Variants in TMEM120B observed in about 807,000 individuals in gnomAD.
TMEM120B encodes the protein transmembrane protein 120B.
In TMEM120B, 31 loss-of-function variants were observed where a neutral mutation model predicts 55.5. That is an observed-to-expected ratio of 0.56 (90% CI 0.42 to 0.75). The LOEUF (loss-of-function observed/expected upper bound fraction) is 0.75, where lower values mean the gene tolerates loss of function less well. Among genes scored for constraint, TMEM120B ranks in the 30% least tolerant of loss-of-function variants. The probability of loss-of-function intolerance (pLI) is 0.00; values close to 1 mark genes in which losing one functional copy is unlikely to be tolerated. For missense variants in TMEM120B, 399 were observed against 425.5 expected, an observed-to-expected ratio of 0.94 and a Z score of 0.55; for synonymous variants, 203 against 176.3, an observed-to-expected ratio of 1.15 and a Z score of -1.20.
intron 1 of TMEM120B, among the ~76,000 whole-genome samples, chr12:121,713,552 G>A (rs540983752): frequency 6.6e-6 from 1 of 152,146 alleles, no homozygotes; most frequent in African/African-American, 2.4e-5. Flanking sequence ...CTGTCAGTTC[G>A]GACAGCTGAG....
intron 1 of TMEM120B, among the ~76,000 whole-genome samples, chr12:121,720,639 G>T (rs1333546649): frequency 6.6e-6 from 1 of 152,064 alleles, no homozygotes; most frequent in Non-Finnish European, 1.5e-5. Flanking sequence ...TGAGCCCAGG[G>T]AGGTGAAGGC....
chr12:121,748,329 C>G lies in TMEM120B; in HGVS notation c.192C>G (p.Cys64Trp). 1.2e-6 allele frequency: 2 copies of G among 1,609,570 alleles called. No homozygotes were observed. Among genetic ancestry groups the G allele is most frequent in the South Asian group, 2.2e-5 (2 of 90,962 alleles). The change falls in exon 3 of 12, where the codon TGC (cysteine) becomes TGG (tryptophan). Residue 64 changes from cysteine (C) to tryptophan (W), a missense_variant. This residue lies in a region of TMEM120B where 133 missense variants were observed against 104.1 expected (regional missense o/e 1.28). Transcript: ENST00000449592. The stretch of plus-strand genomic sequence containing the variant: ...GTGCCTGCATCTCTGTCCGCAGGTG[C>G]AAACGCCATGCCAGTCGGGAGGAGG... ...LKDLKLTLQR[C>W]KRHASREEAE...
chr12:121,727,010 C>T (rs1415494044), intron 1 of TMEM120B, among the ~76,000 whole-genome samples: 1 of 148,988 alleles, frequency 6.7e-6, no homozygotes, highest in Non-Finnish European at 1.5e-5. Context: ...TCAGCCTGGG[C>T]AACATGGCAA....
chr12:121,713,002 C>T (rs753067716), intron 1 of TMEM120B, 38 bp downstream of exon 1: 1 of 1,480,034 alleles, frequency 6.8e-7, no homozygotes, highest in African/African-American at 1.5e-5. Flanking sequence ...CTCTGCTGCC[C>T]GCGGTGCAGC....
At chr12:121,714,422 A>AT (rs1486695828) in intron 1 of TMEM120B, among the ~76,000 whole-genome samples, 1 of 151,102 alleles carries the variant, frequency 6.6e-6, no homozygotes, top group Non-Finnish European at 1.5e-5. Context: ...TGCCCGGCTA[A>AT]TTTTTTTGTG....
At position 121,747,117 on chromosome 12, in the gene TMEM120B, T is replaced by C. The variant is rs1873109984; in HGVS notation, c.189-1209T>C. 3.3e-5 allele frequency among the ~76,000 whole-genome samples: 5 copies of C among 152,332 alleles called. No homozygotes were observed. The South Asian group carries it at 8.3e-4, about 25-fold the overall frequency. On this transcript the variant is annotated intron_variant, in intron 2 of 11. Coordinates refer to ENST00000449592, the MANE Select transcript of TMEM120B (RefSeq NM_001080825.2). ...TGTCTGTGAGGTAGGCTTGAGGTTA[T>C]CCCGGCTTTTCAGGTATGGAAAATA...
chr12:121,754,387 C>T (rs1873420050), intron 5 of TMEM120B, among the ~76,000 whole-genome samples: 1 of 152,226 alleles, frequency 6.6e-6, no homozygotes, highest in Admixed American at 6.5e-5. Flanking sequence ...TTTCTCCTAC[C>T]TGCTTCTGTG....
At chr12:121,741,937 T>G (rs1260299460) in intron 1 of TMEM120B, among the ~76,000 whole-genome samples, 1 of 151,940 alleles carries the variant, frequency 6.6e-6, no homozygotes, top group Non-Finnish European at 1.5e-5. Context: ...ACAGCATTCT[T>G]GGATGTCTCC....
chr12:121,718,405 C>T (rs1008553454), intron 1 of TMEM120B, among the ~76,000 whole-genome samples: 95 of 152,136 alleles, frequency 6.2e-4, no homozygotes, highest in Non-Finnish European at 8.8e-4. Flanking sequence ...ACTTGGGAGG[C>T]TGAGGCTGAA....
At chr12:121,741,958 C>T (rs894287403) in intron 1 of TMEM120B, among the ~76,000 whole-genome samples, 1 of 151,722 alleles carries the variant, frequency 6.6e-6, no homozygotes, top group Admixed American at 6.6e-5. Context: ...TAATTGTCAT[C>T]TAGTTAATTC....
At chr12:121,759,050 GGTTTAA>G in intron 5 of TMEM120B, 2 of 983,332 alleles carry the variant, frequency 2.0e-6, no homozygotes, top group Non-Finnish European at 2.4e-6. Flanking sequence ...GTTTACAGAT[GGTTTAA>G]GGGGACACAG....
chr12:121,761,232 G>T (rs1266638368), intron 5 of TMEM120B, among the ~76,000 whole-genome samples: 2 of 152,178 alleles, frequency 1.3e-5, no homozygotes, highest in Non-Finnish European at 2.9e-5. Context: ...ATCTGTCTCA[G>T]CCTCCCCAAG....
chr12:121,741,425 G>C (rs1872930619), intron 1 of TMEM120B, among the ~76,000 whole-genome samples: 1 of 152,126 alleles, frequency 6.6e-6, no homozygotes, highest in African/African-American at 2.4e-5. Context: ...TGCCTCCCGG[G>C]TTCAAGCGAT....
At chr12:121,771,636 T>G in intron 8 of TMEM120B, 87 bp downstream of exon 8, 1 of 1,342,166 alleles carries the variant, frequency 7.5e-7, no homozygotes, top group Non-Finnish European at 1.1e-6. Context: ...CATCAATCAG[T>G]GCTTGCCTGT....
At chr12:121,729,225 G>T (rs912013988) in intron 1 of TMEM120B, among the ~76,000 whole-genome samples, 5 of 152,218 alleles carry the variant, frequency 3.3e-5, no homozygotes, top group Non-Finnish European at 5.9e-5. Context: ...CAGGGCCAAG[G>T]TTGCTTGGAG....
chr12:121,754,606 G>A (rs920403330), intron 5 of TMEM120B, among the ~76,000 whole-genome samples: 30 of 152,188 alleles, frequency 2.0e-4, no homozygotes, highest in African/African-American at 5.8e-4. Context: ...GCTTAAAGCT[G>A]TGTTTCACTC....
chr12:121,730,540 A>G (rs577774295), intron 1 of TMEM120B, among the ~76,000 whole-genome samples: 1 of 150,500 alleles, frequency 6.6e-6, no homozygotes, highest in South Asian at 2.1e-4. Flanking sequence ...AGCCCCAACT[A>G]CTTGGAAGGC....
chr12:121,748,377 A>T lies in TMEM120B; in HGVS notation c.240A>T (p.Ala80=). ...AGGCGGAGCTCGTTCAGCAGATGGC[A>T]GCGAACATCAAGGAGCGGCAGGACG... ...REEAELVQQM[A]ANIKERQDVF... The change falls in exon 3 of 12, where the codon GCA becomes GCT. Residue 80 remains alanine, a synonymous_variant. Transcript: ENST00000449592. 1 of 1,611,110 alleles carries T rather than the reference A, an allele frequency of 6.2e-7. No individual in the cohort carries two copies. The highest frequency in any genetic ancestry group is 1.1e-5 in the South Asian group (1 of 91,052).
chr12:121,754,129 A>C (rs968034851), intron 5 of TMEM120B, among the ~76,000 whole-genome samples: 3 of 152,220 alleles, frequency 2.0e-5, no homozygotes, highest in Admixed American at 6.5e-5. Flanking sequence ...TGGTCTGGCC[A>C]CTTGAATGCC....
Sources: allele counts gnomAD v4.1 joint callset (sites outside exome capture counted in the v4.1 genomes callset), GRCh38; gene constraint gnomAD v4.1.1; regional missense constraint gnomAD v4.1.1; transcripts MANE v1.5; gene names NCBI Gene and HGNC (gene_info 2026-07-23, HGNC 2026-07-21).